PARD3B: variants seen among roughly 807,000 people sequenced by gnomAD.
PARD3B encodes par-3 family cell polarity regulator beta.
PARD3B carries 103 observed loss-of-function variants against 130.2 expected under a neutral mutation model. The observed-to-expected ratio is 0.79, with a 90% CI of 0.67 to 0.93. The LOEUF is 0.93. PARD3B is among the 40% of genes least tolerant of loss of function. PARD3B has a pLI of 0.00. For synonymous variants in PARD3B, 583 were observed against 553.2 expected, an observed-to-expected ratio of 1.05 and a Z score of -0.76; for missense variants, 1,609 against 1,499.2, an observed-to-expected ratio of 1.07 and a Z score of -1.21.
chr2:204,663,897 A>G lies in PARD3B; in HGVS notation c.121-22284A>G, dbSNP rs540744469. On this transcript the variant is annotated intron_variant, in intron 1 of 22. Coordinates refer to ENST00000406610, the MANE Select transcript of PARD3B (RefSeq NM_001302769.2). ...AATTCATGCCCCCATGATTTTAAAAAGTGGTGTTTTTGGCATGTGTGCATT... is the reference window on the plus strand; with the variant it reads ...AATTCATGCCCCCATGATTTTAAAAGGTGGTGTTTTTGGCATGTGTGCATT... Among the ~76,000 whole-genome samples, 264 of 152,364 alleles carry G rather than the reference A, an allele frequency of 1.7e-3. 2 individuals carry two copies. The highest frequency in any genetic ancestry group is 6.2e-3 in the African/African-American group (257 of 41,584).
Position 204,922,502 on chromosome 2 carries a change from G to A in PARD3B, c.223-42650G>A, listed in dbSNP as rs1368499816. 2.0e-5 allele frequency among the ~76,000 whole-genome samples: 3 copies of A among 152,046 alleles called. No individual in the cohort carries two copies. In the East Asian group the frequency reaches 5.8e-4, roughly 29 times the overall value. On this transcript the variant is annotated intron_variant, in intron 2 of 22. Transcript: ENST00000406610. ...TTATACAGTGTTTAACAAGTTCCAG[G>A]CAGGTTCAGGGGAGTAGTAGAACGA...
chr2:204,833,549 C>A (rs2043910511), intron 2 of PARD3B, among the ~76,000 whole-genome samples: 1 of 152,084 alleles, frequency 6.6e-6, no homozygotes, highest in African/African-American at 2.4e-5. Flanking sequence ...TGGAAGGGAC[C>A]TGGTGGGAGG....
chr2:204,570,594 A>G (rs1230887055), intron 1 of PARD3B, among the ~76,000 whole-genome samples: 1 of 152,224 alleles, frequency 6.6e-6, no homozygotes, highest in East Asian at 1.9e-4. Flanking sequence ...GAGGGAAGGA[A>G]GTGATAATGA....
rs550938627 is a variant in PARD3B, at chr2:205,156,284, A to T, written c.1435-2438A>T. Among the ~76,000 whole-genome samples, 325 of 145,800 alleles carry T rather than the reference A, an allele frequency of 2.2e-3. 1 individual carries two copies. Among genetic ancestry groups the T allele is most frequent in the African/African-American group, 7.2e-3 (280 of 38,750 alleles). Reference sequence around the variant, plus strand: ...TTGTGGGGTGGGCGGGGGGGGGAGGAATAGCATTAGGAGATATACCTAATG... The same window carrying T: ...TTGTGGGGTGGGCGGGGGGGGGAGGTATAGCATTAGGAGATATACCTAATG... On this transcript the variant is annotated intron_variant, in intron 10 of 22. Coordinates refer to ENST00000406610, the MANE Select transcript of PARD3B (RefSeq NM_001302769.2).
intron 2 of PARD3B, among the ~76,000 whole-genome samples, chr2:204,872,803 A>C (rs2045680245): frequency 6.6e-6 from 1 of 152,120 alleles, no homozygotes; most frequent in Non-Finnish European, 1.5e-5. Flanking sequence ...TGAACTCTAC[A>C]CCATCTTGCT....
At chr2:204,589,602 T>C (rs1347995668) in intron 1 of PARD3B, among the ~76,000 whole-genome samples, 1 of 152,108 alleles carries the variant, frequency 6.6e-6, no homozygotes, top group Non-Finnish European at 1.5e-5. Flanking sequence ...TTGCATGAGG[T>C]TCTAGGCACT....
intron 18 of PARD3B, among the ~76,000 whole-genome samples, chr2:205,380,996 AAT>A (rs1159734695): frequency 5.4e-5 from 5 of 92,126 alleles, no homozygotes; most frequent in South Asian, 9.3e-4. Flanking sequence ...ATATCTAAAG[AAT>A]ATATATAATA....
At chr2:205,376,800 T>C (rs976835625) in intron 18 of PARD3B, among the ~76,000 whole-genome samples, 1 of 152,150 alleles carries the variant, frequency 6.6e-6, no homozygotes, top group Admixed American at 6.6e-5. Context: ...TACAGCATTA[T>C]GGGTGAGGTG....
At chr2:205,504,940 C>T (rs1319699797) in intron 21 of PARD3B, among the ~76,000 whole-genome samples, 7 of 152,092 alleles carry the variant, frequency 4.6e-5, no homozygotes, top group African/African-American at 1.2e-4. Context: ...CACATGCACG[C>T]GTATGTTTAT....
intron 11 of PARD3B, among the ~76,000 whole-genome samples, chr2:205,169,616 C>G (rs2035032184): frequency 6.6e-6 from 1 of 152,144 alleles, no homozygotes. Flanking sequence ...AAGCTTCCAT[C>G]TTTATCTTGT....
At chr2:205,519,740 A>ACAGT (rs1334385759) in intron 21 of PARD3B, among the ~76,000 whole-genome samples, 1 of 145,384 alleles carries the variant, frequency 6.9e-6, no homozygotes, top group Non-Finnish European at 1.5e-5. Context: ...TAGATTGAGT[A>ACAGT]CAGTCAGTAG....
chr2:205,054,426 A>ATATATATATATATATATATATATATATT (rs1699473079), intron 4 of PARD3B, among the ~76,000 whole-genome samples: 2 of 23,814 alleles, frequency 8.4e-5, no homozygotes, highest in African/African-American at 2.8e-4. Flanking sequence ...ATATATATAT[A>ATATATATATATATATATATATATATATT]TATATATATA....
chr2:205,127,700 T>C (rs1559466925), intron 10 of PARD3B, among the ~76,000 whole-genome samples: 1 of 152,172 alleles, frequency 6.6e-6, no homozygotes, highest in African/African-American at 2.4e-5. Flanking sequence ...TTGTGTACTC[T>C]GGGGAGATCT....
chr2:204,997,688 A>AT lies in PARD3B; in HGVS notation c.394+32372dup, dbSNP rs531623906. On this transcript the variant is annotated intron_variant, in intron 3 of 22. Transcript: ENST00000406610. ...TTGACTATTCTTTTCAAATTATTTT[A>AT]TTTTTTTACTAATTCTTATACTTGT... is the stretch of plus-strand genomic sequence containing the variant. 6.6e-5 allele frequency among the ~76,000 whole-genome samples: 10 copies of AT among 151,986 alleles called. No homozygotes were observed. The South Asian group carries it at 1.2e-3, about 19-fold the overall frequency.
Position 205,021,621 on chromosome 2 carries a change from CCT to C in PARD3B, c.395-25953_395-25952del, listed in dbSNP as rs1491445035. ...CTCTCTCTCTCTCTCTCTCTCTCTC[CCT>C]CTCTCTTTCTCTCTCTCTCTCTCTC... On this transcript the variant is annotated intron_variant, in intron 3 of 22. Transcript: ENST00000406610. This position sits in a 1 kb window ranked among gnomAD's most constrained non-coding sequence, Gnocchi z 4.5. Among the ~76,000 whole-genome samples the C allele has an allele frequency of 3.1e-5, 4 of 127,964 alleles. No homozygotes were observed. The highest frequency in any genetic ancestry group is 1.2e-4 in the African/African-American group (4 of 33,100). The allele number at this position is 127,964 out of a possible 152,430, so 83.9% of individuals were successfully genotyped here. A position where few individuals can be genotyped will look rare whatever the true frequency, so the allele number is the denominator to read the frequency against.
At chr2:205,546,681 T>A (rs1029969482) in intron 21 of PARD3B, among the ~76,000 whole-genome samples, 1 of 152,206 alleles carries the variant, frequency 6.6e-6, no homozygotes, top group Non-Finnish European at 1.5e-5. Flanking sequence ...GGCTTCCCTT[T>A]AGCAACCCTC....
intron 1 of PARD3B, among the ~76,000 whole-genome samples, chr2:204,627,870 G>A (rs1574576243): frequency 6.6e-6 from 1 of 151,908 alleles, no homozygotes; most frequent in African/African-American, 2.4e-5. Flanking sequence ...TCTGACATTT[G>A]TATGTAAATT....
chr2:204,899,018 G>T (rs1036583147), intron 2 of PARD3B, among the ~76,000 whole-genome samples: 4 of 150,056 alleles, frequency 2.7e-5, no homozygotes, highest in African/African-American at 9.8e-5. Context: ...GTCTTTACAG[G>T]TGAAGTCTGC....
At chr2:205,587,307 T>C (rs1230158021) in intron 22 of PARD3B, among the ~76,000 whole-genome samples, 1 of 152,170 alleles carries the variant, frequency 6.6e-6, no homozygotes, top group East Asian at 1.9e-4. Context: ...TTTTGCTTCT[T>C]AGCATTTTTA....
Sources: allele counts gnomAD v4.1 joint callset (sites outside exome capture counted in the v4.1 genomes callset), GRCh38; gene constraint gnomAD v4.1.1; non-coding constraint Gnocchi (gnomAD v3.1); transcripts MANE v1.5; gene names NCBI Gene and HGNC (gene_info 2026-07-23, HGNC 2026-07-21).